The following CCSER2 variants were observed in gnomAD, a reference collection of about 807,000 sequenced individuals.
CCSER2 encodes serine-rich coiled-coil domain-containing protein 2.
Under a neutral mutation model 92.3 loss-of-function variants are expected in CCSER2, and 46 were observed. The observed-to-expected ratio is 0.50, with a 90% CI of 0.39 to 0.64. The LOEUF is 0.64. Among genes scored for constraint, CCSER2 ranks in the 30% least tolerant of loss-of-function variants. CCSER2 has a pLI of 0.00. For synonymous variants in CCSER2, 433 were observed against 431.4 expected (o/e 1.00, Z -0.04); for missense variants, 1,244 against 1,238.9 (o/e 1.00, Z -0.06).
intron 1 of CCSER2, among the ~76,000 whole-genome samples, chr10:84,342,468 T>C (rs1252858253): frequency 2.6e-5 from 4 of 152,200 alleles, no homozygotes; most frequent in Non-Finnish European, 5.9e-5. Flanking sequence ...TACCCTGTCA[T>C]GTACCCTGTC....
chr10:84,503,839 C>T (rs1374025542), intron 9 of CCSER2, among the ~76,000 whole-genome samples: 2 of 152,152 alleles, frequency 1.3e-5, no homozygotes, highest in Non-Finnish European at 2.9e-5. Flanking sequence ...AATAGCCTGA[C>T]AGTTTCTTGA....
chr10:84,499,800 A>G, intron 9 of CCSER2: 1 of 1,435,544 alleles, frequency 7.0e-7, no homozygotes, highest in Non-Finnish European at 9.8e-7. Context: ...AAAGTAAAAC[A>G]AAGTATGACT....
At chr10:84,460,807 A>C (rs1183394699) in intron 6 of CCSER2, among the ~76,000 whole-genome samples, 1 of 152,076 alleles carries the variant, frequency 6.6e-6, no homozygotes, top group African/African-American at 2.4e-5. Flanking sequence ...AGCATTTGAG[A>C]TGTCTGTAAT....
intron 5 of CCSER2, among the ~76,000 whole-genome samples, chr10:84,431,217 A>G (rs973693870): frequency 1.3e-5 from 2 of 152,206 alleles, no homozygotes; most frequent in African/African-American, 4.8e-5. Context: ...ACAGTATCAT[A>G]CAGAATAGTT....
At chr10:84,477,245 A>G (rs1003224898) in intron 8 of CCSER2, among the ~76,000 whole-genome samples, 3 of 152,182 alleles carry the variant, frequency 2.0e-5, no homozygotes, top group African/African-American at 7.2e-5. Context: ...AGATTATTCA[A>G]AATTCTAACC....
chr10:84,426,296 A>G (rs1334414006), intron 5 of CCSER2, among the ~76,000 whole-genome samples: 1 of 152,210 alleles, frequency 6.6e-6, no homozygotes, highest in African/African-American at 2.4e-5. Context: ...CACAAGTACC[A>G]TTAAAAACAG....
intron 1 of CCSER2, among the ~76,000 whole-genome samples, chr10:84,330,729 A>C (rs1007085663): frequency 6.6e-6 from 1 of 152,076 alleles, no homozygotes; most frequent in African/African-American, 2.4e-5. Context: ...ACTGGTCTCA[A>C]ACTCCTGACC....
At chr10:84,381,303 A>G (rs1365546327) in intron 3 of CCSER2, among the ~76,000 whole-genome samples, 1 of 152,234 alleles carries the variant, frequency 6.6e-6, no homozygotes, top group Non-Finnish European at 1.5e-5. Flanking sequence ...ATTAGGCACA[A>G]TAATTTACAC....
chr10:84,499,946 G>T (rs376303327), intron 9 of CCSER2: 2 of 1,613,674 alleles, frequency 1.2e-6, no homozygotes, highest in South Asian at 2.2e-5. Context: ...CTGTTCCACC[G>T]CACCGCAGAC....
rs1466744726 is a variant in CCSER2, at chr10:84,348,904, T to G, written c.-40+20096T>G. Among the ~76,000 whole-genome samples, 3 of 152,210 alleles carry G rather than the reference T, an allele frequency of 2.0e-5. No individual in the cohort carries two copies. In the East Asian group the frequency reaches 5.8e-4, roughly 29 times the overall value. ...ATATGTATATATGAATAGGTATATATATGTTTATATGCATATTATGGCCCT... is the reference window on the plus strand; with the variant it reads ...ATATGTATATATGAATAGGTATATAGATGTTTATATGCATATTATGGCCCT... On this transcript the variant is annotated intron_variant, in intron 1 of 9. Transcript: ENST00000372088.
At chr10:84,376,421 G>A (rs1048720889) in intron 3 of CCSER2, among the ~76,000 whole-genome samples, 6 of 152,002 alleles carry the variant, frequency 3.9e-5, no homozygotes, top group African/African-American at 1.4e-4. Context: ...ATCACTGTTG[G>A]TTTCGGTCAC....
intron 3 of CCSER2, among the ~76,000 whole-genome samples, chr10:84,404,804 A>C (rs1313072974): frequency 6.6e-6 from 1 of 152,234 alleles, no homozygotes; most frequent in African/African-American, 2.4e-5. Flanking sequence ...TGTTGTTTAT[A>C]AGATCTACCA....
chr10:84,359,814 A>G (rs554938134), intron 1 of CCSER2, among the ~76,000 whole-genome samples: 1 of 151,546 alleles, frequency 6.6e-6, no homozygotes, highest in South Asian at 2.1e-4. Flanking sequence ...TTTTATTTTT[A>G]TTTTATTTTT....
intron 3 of CCSER2, chr10:84,390,773 C>G (rs781398617): frequency 1.5e-5 from 6 of 405,124 alleles, no homozygotes; most frequent in Non-Finnish European, 2.3e-5. Context: ...TACTTGGGCT[C>G]TGAAACCTCT....
In CCSER2 at chr10:84,516,427, G is replaced by T. The variant is rs921611614; in HGVS notation, c.*2160G>T. ...CCATGATGGCTGCAGTTGTAAGTGG[G>T]CATACATGTTCTATCATTTTGAAGG... On this transcript the variant is annotated 3_prime_UTR_variant, in exon 10 of 10. Coordinates refer to ENST00000372088, the MANE Select transcript of CCSER2 (RefSeq NM_001284240.2). 6.6e-6 allele frequency: 1 copy of T among 152,146 alleles called. No homozygotes were observed. The highest frequency in any genetic ancestry group is 1.5e-5 in the Non-Finnish European group (1 of 68,026). 9.4% of individuals were successfully genotyped at this position (152,146 alleles called of 1,614,324 possible).
chr10:84,461,661 G>GT (rs796801624), intron 6 of CCSER2, among the ~76,000 whole-genome samples: 1,735 of 141,650 alleles, frequency 0.012, 27 homozygotes, highest in African/African-American at 0.028. Flanking sequence ...TTTATATTCT[G>GT]TTTTTTTTTT....
intron 9 of CCSER2, among the ~76,000 whole-genome samples, chr10:84,483,712 A>G (rs61866508): frequency 0.11 from 15,872 of 151,100 alleles, 987 homozygotes; most frequent in Admixed American, 0.15. Context: ...TTCTTAGACC[A>G]TATTCTTTCC....
chr10:84,372,424 A>G lies in CCSER2; in HGVS notation c.1372A>G (p.Lys458Glu), dbSNP rs767574887. 2.5e-6 allele frequency: 4 copies of G among 1,587,436 alleles called. No homozygotes were observed. The highest frequency in any genetic ancestry group is 2.3e-5 in the South Asian group (2 of 85,184). ...GTTTGATTCCCCCAAGGAAAATGAA[A>G]AAGCCTTCAGTAAAACTGATGAATG... ...DMFDSPKENEKAFSKTDEWID... is the reference protein window; with the variant it reads ...DMFDSPKENEEAFSKTDEWID... Residue 458 changes from lysine to glutamate, a missense_variant, in exon 2 of 10, where the codon AAA (lysine) becomes GAA (glutamate). Coordinates refer to ENST00000372088, the MANE Select transcript of CCSER2 (RefSeq NM_001284240.2).
At chr10:84,422,033 G>A (rs1184241616) in intron 4 of CCSER2, among the ~76,000 whole-genome samples, 1 of 152,196 alleles carries the variant, frequency 6.6e-6, no homozygotes, top group Non-Finnish European at 1.5e-5. Flanking sequence ...GAAAGGAAAA[G>A]AGAGTGAGTG....
Sources: allele counts gnomAD v4.1 joint callset (sites outside exome capture counted in the v4.1 genomes callset), GRCh38; gene constraint gnomAD v4.1.1; transcripts MANE v1.5; gene names NCBI Gene and HGNC (gene_info 2026-07-23, HGNC 2026-07-21).